SYNCRIP: variants seen among roughly 807,000 people sequenced by gnomAD.
SYNCRIP encodes heterogeneous nuclear ribonucleoprotein Q.
In SYNCRIP, 9 loss-of-function variants were observed where a neutral mutation model predicts 68.9. The ratio of observed to expected loss-of-function variants is 0.13; its 90% CI spans 0.08 to 0.23. The LOEUF is 0.23. SYNCRIP is among the 10% of genes least tolerant of loss of function. The pLI is 1.00. For synonymous variants in SYNCRIP, 258 were observed against 254.0 expected (o/e 1.02, Z -0.15); for missense variants, 414 against 770.6 (o/e 0.54, Z 5.48).
Position 85,614,159 on chromosome 6 carries a change from C to A in SYNCRIP, c.*597G>T, listed in dbSNP as rs1013293346. 222 of 985,642 alleles carry A rather than the reference C, an allele frequency of 2.3e-4. No individual in the cohort carries two copies. The highest frequency in any genetic ancestry group is 1.5e-3 in the Middle Eastern group (3 of 1,936). The allele number at this position is 985,642 out of a possible 1,614,324, so 61.1% of individuals were successfully genotyped here. ...CCTTGACATGCTATACAATTTGAAC[C>A]AAATTTGCAGGAAATTTTGTGAAAA... On this transcript the variant is annotated 3_prime_UTR_variant, in exon 11 of 11. Transcript: ENST00000369622.
intron 6 of SYNCRIP, among the ~76,000 whole-genome samples, chr6:85,624,945 C>T (rs1258130579): frequency 6.6e-6 from 1 of 152,164 alleles, no homozygotes. Flanking sequence ...CCACACCTAA[C>T]CTCAAAATCT....
In SYNCRIP at chr6:85,640,343, T is replaced by G. The variant is rs1249353581; in HGVS notation, c.268-15A>C. 6.2e-7 allele frequency: 1 copy of G among 1,607,724 alleles called. No individual in the cohort carries two copies. Among genetic ancestry groups the G allele is most frequent in the African/African-American group, 1.3e-5 (1 of 74,692 alleles). The stretch of plus-strand genomic sequence containing the variant: ...GCACTTTTGTTCTGCAAAAAAATGT[T>G]CCATTAATATTTAACAATAACCATA... On this transcript the variant is annotated splice_polypyrimidine_tract_variant and intron_variant, in intron 3 of 10. Coordinates refer to ENST00000369622, the MANE Select transcript of SYNCRIP (RefSeq NM_006372.5).
At chr6:85,639,869 T>TA (rs566432918) in intron 4 of SYNCRIP, among the ~76,000 whole-genome samples, 94 of 148,086 alleles carry the variant, frequency 6.3e-4, no homozygotes, top group African/African-American at 1.1e-3. Flanking sequence ...TTGAGACTCC[T>TA]AAAAAAAAAA....
intron 1 of SYNCRIP, among the ~76,000 whole-genome samples, chr6:85,641,841 T>C (rs985054309): frequency 2.6e-5 from 4 of 152,064 alleles, no homozygotes; most frequent in Admixed American, 2.6e-4. Context: ...GTGCGCGCTT[T>C]TCCCGCCTGC....
rs149049677 is a variant in SYNCRIP, at chr6:85,619,421, G to T, written c.1009-4C>A. 7 of 1,609,158 alleles carry T rather than the reference G, an allele frequency of 4.4e-6. No individual in the cohort carries two copies. The East Asian group carries it at 1.6e-4, about 36-fold the overall frequency. On this transcript the variant is annotated splice_region_variant and splice_polypyrimidine_tract_variant and intron_variant, in intron 8 of 10. Coordinates refer to ENST00000369622, the MANE Select transcript of SYNCRIP (RefSeq NM_006372.5). ...TGCGTACAAACAGCACTTTTACCTA[G>T]GGGGAAGAAAATACCCCCCTGTATT...
intron 1 of SYNCRIP, 124 bp from the exon 2 acceptor site, chr6:85,641,575 A>T: frequency 2.1e-6 from 2 of 948,634 alleles, no homozygotes; most frequent in Non-Finnish European, 3.0e-6. Flanking sequence ...TCCCTTTAAA[A>T]AAGCCTTACA....
intron 6 of SYNCRIP, among the ~76,000 whole-genome samples, chr6:85,631,330 C>A (rs1807750825): frequency 9.5e-6 from 1 of 105,330 alleles, no homozygotes. Flanking sequence ...CAAAGCATGA[C>A]TGTGTCTCCA....
chr6:85,620,009 G>C (rs1024873308), intron 8 of SYNCRIP, among the ~76,000 whole-genome samples: 1 of 152,168 alleles, frequency 6.6e-6, no homozygotes, highest in African/African-American at 2.4e-5. Context: ...CAATTTGGGA[G>C]GCTGAGGCGG....
chr6:85,614,867 G>C lies in SYNCRIP; in HGVS notation c.1761C>G (p.Ser587=), dbSNP rs1169285135. Residue 587 remains serine (S), a synonymous_variant, in exon 11 of 11, where the codon TCC becomes TCG. Coordinates refer to ENST00000369622, the MANE Select transcript of SYNCRIP (RefSeq NM_006372.5). ...RRQTNNQNWG[S]QPIAQQPLQG... ...GGAGCGGTTGCTGAGCAATGGGTTGGGAGCCCCAGTTCTGATTATTGGTCT... is the reference window on the plus strand; with the variant it reads ...GGAGCGGTTGCTGAGCAATGGGTTGCGAGCCCCAGTTCTGATTATTGGTCT... 1 of 1,614,124 alleles carries C rather than the reference G, an allele frequency of 6.2e-7. No individual in the cohort carries two copies. Among genetic ancestry groups the C allele is most frequent in the Non-Finnish European group, 8.5e-7 (1 of 1,180,018 alleles).
At chr6:85,635,930 G>C (rs997540329) in intron 6 of SYNCRIP, among the ~76,000 whole-genome samples, 2 of 152,068 alleles carry the variant, frequency 1.3e-5, no homozygotes, top group African/African-American at 4.8e-5. Context: ...AGTTTGTCTG[G>C]AATTACCCAC....
In SYNCRIP at chr6:85,614,447, CACT is replaced by C. The variant is rs1805534223; in HGVS notation, c.*306_*308del. On this transcript the variant is annotated 3_prime_UTR_variant, in exon 11 of 11. Transcript: ENST00000369622. ...TACCTTTGAAGACACCAAATCTAAA[CACT>C]ACTGGAAACATCGTTGACACTACAG... is the stretch of plus-strand genomic sequence containing the variant. 8 of 1,055,044 alleles carry C rather than the reference CACT, an allele frequency of 7.6e-6. No homozygotes were observed. Among genetic ancestry groups the C allele is most frequent in the Non-Finnish European group, 9.1e-6 (8 of 876,400 alleles). The allele number at this position is 1,055,044 out of a possible 1,614,324, so 65.4% of individuals were successfully genotyped here.
chr6:85,619,144 G>C (rs1441004590), intron 9 of SYNCRIP, 124 bp downstream of exon 9: 6 of 1,394,162 alleles, frequency 4.3e-6, no homozygotes, highest in Non-Finnish European at 5.9e-6. Flanking sequence ...AAACCAAAAG[G>C]TTTTAGTTTG....
chr6:85,640,578 A>G lies in SYNCRIP; in HGVS notation c.149-14T>C. 6.7e-7 allele frequency: 1 copy of G among 1,497,802 alleles called. No individual in the cohort carries two copies. 92.8% of individuals were successfully genotyped at this position (1,497,802 alleles called of 1,614,324 possible). ...GTGCAACTAGCCCTGAAAAAAATAA[A>G]AGTTATCAGCTTTTAATATTTTTAG... is the stretch of plus-strand genomic sequence containing the variant. On this transcript the variant is annotated splice_polypyrimidine_tract_variant and intron_variant, in intron 2 of 10. Coordinates refer to ENST00000369622, the MANE Select transcript of SYNCRIP (RefSeq NM_006372.5).
At chr6:85,641,765 C>G (rs1809187760) in intron 1 of SYNCRIP, among the ~76,000 whole-genome samples, 1 of 152,162 alleles carries the variant, frequency 6.6e-6, no homozygotes, top group Admixed American at 6.5e-5. Flanking sequence ...TGTGCCCGTT[C>G]GGAAAATGAG....
intron 9 of SYNCRIP, 22 bp downstream of exon 9, chr6:85,619,246 C>T (rs1343313638): frequency 6.2e-7 from 1 of 1,611,438 alleles, no homozygotes; most frequent in Non-Finnish European, 8.5e-7. Flanking sequence ...GATTTAGATG[C>T]CTGTAATTCC....
At chr6:85,632,399 C>A (rs1238896118) in intron 6 of SYNCRIP, among the ~76,000 whole-genome samples, 3 of 152,052 alleles carry the variant, frequency 2.0e-5, no homozygotes, top group Non-Finnish European at 4.4e-5. Flanking sequence ...AGAACTGTAA[C>A]AAGTAGAATC....
At chr6:85,640,955 C>G (rs946452601) in intron 2 of SYNCRIP, among the ~76,000 whole-genome samples, 5 of 152,152 alleles carry the variant, frequency 3.3e-5, no homozygotes, top group Admixed American at 2.0e-4. Context: ...GACAAGAAAA[C>G]AAGTCTACAG....
intron 6 of SYNCRIP, among the ~76,000 whole-genome samples, chr6:85,634,125 T>C (rs1286825076): frequency 2.6e-5 from 4 of 152,194 alleles, no homozygotes; most frequent in East Asian, 1.9e-4. Context: ...TTAAAAACTA[T>C]ATTAATAAGA....
At chr6:85,632,714 G>C (rs1324876763) in intron 6 of SYNCRIP, among the ~76,000 whole-genome samples, 1 of 152,186 alleles carries the variant, frequency 6.6e-6, no homozygotes, top group African/African-American at 2.4e-5. Flanking sequence ...AGCCAAGGCA[G>C]TAAGACTGCT....
Sources: gnomAD v4.1 joint callset for allele counts (sites outside exome capture counted in the v4.1 genomes callset) on GRCh38, gnomAD v4.1.1 for gene constraint, MANE v1.5 for transcripts, NCBI Gene and HGNC (gene_info 2026-07-23, HGNC 2026-07-21) for gene names.